The following GTSE1 variants were observed in gnomAD, a reference collection of about 807,000 sequenced individuals.
GTSE1 encodes the protein G2 and S phase-expressed protein 1.
GTSE1 carries 52 observed loss-of-function variants against 60.5 expected under a neutral mutation model. The ratio of observed to expected loss-of-function variants is 0.86; its 90% CI spans 0.69 to 1.08. The LOEUF (loss-of-function observed/expected upper bound fraction) is 1.08. Among genes scored for constraint, GTSE1 ranks in the 50% least tolerant of loss-of-function variants. GTSE1 has a pLI of 0.00. For missense variants in GTSE1, 937 were observed against 961.8 expected, an observed-to-expected ratio of 0.97 and a Z score of 0.34; for synonymous variants, 368 against 386.5, an observed-to-expected ratio of 0.95 and a Z score of 0.56.
In GTSE1 at chr22:46,308,772, C is replaced by T; in HGVS notation, c.591C>T (p.Ala197=). ...CCCTGCCCAGCTCTGGTGCCCAGGC[C>T]CGCCTCACCCGGGCGCCGGGGCCTC... ...SPALPSSGAQ[A]RLTRAPGPPH... The change falls in exon 4 of 12, where the codon GCC becomes GCT. Residue 197 remains alanine, a synonymous_variant. Coordinates refer to ENST00000454366, the MANE Select transcript of GTSE1 (RefSeq NM_016426.7). 1 of 1,613,046 alleles carries T rather than the reference C, an allele frequency of 6.2e-7. No individual in the cohort carries two copies. The highest frequency in any genetic ancestry group is 1.1e-5 in the South Asian group (1 of 91,080).
rs34660725 is a variant in GTSE1 at position 46,308,658 on chromosome 22, G to A, written c.477G>A (p.Thr159=). Reference sequence around the variant, plus strand: ...AAAAGGAAATGAAGAAAAGCCCCACGTCTCTTAAAAGGGAGACATACTACC... The same window carrying A: ...AAAAGGAAATGAAGAAAAGCCCCACATCTCTTAAAAGGGAGACATACTACC... ...EKEKEMKKSP[T]SLKRETYYLS... The change falls in exon 4 of 12, where the codon ACG becomes ACA. Residue 159 remains threonine, a synonymous_variant. Coordinates refer to ENST00000454366, the MANE Select transcript of GTSE1 (RefSeq NM_016426.7). The A allele has an allele frequency of 4.9e-3, 7,853 of 1,613,940 alleles. 329 individuals are homozygous for A. In the African/African-American group the frequency reaches 0.086, roughly 18 times the overall value.
At chr22:46,312,367 C>A in intron 5 of GTSE1, 62 bp downstream of exon 5, 1 of 1,495,278 alleles carries the variant, frequency 6.7e-7, no homozygotes. Context: ...GCTGTGTGTA[C>A]AAGTGCTTTG....
At chr22:46,298,605 G>A (rs2077671462) in intron 2 of GTSE1, among the ~76,000 whole-genome samples, 1 of 152,190 alleles carries the variant, frequency 6.6e-6, no homozygotes, top group Non-Finnish European at 1.5e-5. Flanking sequence ...ACCGCGCCTG[G>A]CCCCAAGCAT....
chr22:46,298,456 C>A (rs1021112918), intron 2 of GTSE1, among the ~76,000 whole-genome samples: 2 of 151,972 alleles, frequency 1.3e-5, no homozygotes, highest in East Asian at 3.9e-4. Flanking sequence ...TACAGGCACC[C>A]GCCACCACAC....
intron 10 of GTSE1, 42 bp downstream of exon 10, chr22:46,328,931 C>G: frequency 6.7e-7 from 1 of 1,489,204 alleles, no homozygotes; most frequent in East Asian, 2.3e-5. Flanking sequence ...AGCTGAGATT[C>G]CTGGAGGCTG....
rs1396008519 is a variant in GTSE1, at chr22:46,314,546, C to T, written c.1051+533C>T. Among the ~76,000 whole-genome samples the T allele has an allele frequency of 6.6e-6, 1 of 151,924 alleles. No individual in the cohort carries two copies. Among genetic ancestry groups the T allele is most frequent in the Non-Finnish European group, 1.5e-5 (1 of 67,982 alleles). On this transcript the variant is annotated intron_variant, in intron 6 of 11. Coordinates refer to ENST00000454366, the MANE Select transcript of GTSE1 (RefSeq NM_016426.7). The surrounding 1 kb of genome is among the most constrained non-coding windows in gnomAD (Gnocchi z 7.1). ...CATTGGCCATGTGGCGTCTCGGGGTCGTTCAGGGCAGCATGGTGTGGATTG... is the reference window on the plus strand; with the variant it reads ...CATTGGCCATGTGGCGTCTCGGGGTTGTTCAGGGCAGCATGGTGTGGATTG...
At position 46,320,471 on chromosome 22, in the gene GTSE1, C is replaced by T. The variant is rs999999449; in HGVS notation, c.1433-2719C>T. On this transcript the variant is annotated intron_variant, in intron 7 of 11. Coordinates refer to ENST00000454366, the MANE Select transcript of GTSE1 (RefSeq NM_016426.7). The surrounding 1 kb of genome is among the most constrained non-coding windows in gnomAD (Gnocchi z 7.1). The stretch of plus-strand genomic sequence containing the variant: ...GTTGGGAACACACAGCTCTGGGAGG[C>T]ACGTGGTGGTGTGCACTTTTTGGCT... Among the ~76,000 whole-genome samples the T allele has an allele frequency of 6.6e-6, 1 of 152,164 alleles. No individual in the cohort carries two copies. The highest frequency in any genetic ancestry group is 1.5e-5 in the Non-Finnish European group (1 of 68,040).
chr22:46,311,006 C>T (rs898575571), intron 4 of GTSE1, among the ~76,000 whole-genome samples: 29 of 151,872 alleles, frequency 1.9e-4, no homozygotes, highest in African/African-American at 7.0e-4. Context: ...GAGTGCTTCC[C>T]TAGGTGGGGC....
rs1020813297 is a variant in GTSE1, at chr22:46,319,467, C to T, written c.1432+3055C>T. Reference sequence around the variant, plus strand: ...GCTCATGTGGCAGTGCAGAGAGGGACTCGAGTGTCCCTGAGGTTCTGGCGG... The same window carrying T: ...GCTCATGTGGCAGTGCAGAGAGGGATTCGAGTGTCCCTGAGGTTCTGGCGG... On this transcript the variant is annotated intron_variant, in intron 7 of 11. Coordinates refer to ENST00000454366, the MANE Select transcript of GTSE1 (RefSeq NM_016426.7). The surrounding 1 kb of genome is among the most constrained non-coding windows in gnomAD (Gnocchi z 5.0). 3.9e-5 allele frequency among the ~76,000 whole-genome samples: 6 copies of T among 152,134 alleles called. No homozygotes were observed. Among genetic ancestry groups the T allele is most frequent in the Non-Finnish European group, 7.4e-5 (5 of 68,022 alleles).
At chr22:46,298,583 C>T (rs1294368610) in intron 2 of GTSE1, among the ~76,000 whole-genome samples, 2 of 152,166 alleles carry the variant, frequency 1.3e-5, no homozygotes, top group Non-Finnish European at 2.9e-5. Context: ...ACTGGGATTA[C>T]AGGTGTGAAC....
Position 46,330,208 on chromosome 22 carries a change from G to A in GTSE1, c.*78G>A, listed in dbSNP as rs977880263. ...CTCAGAAACAAGCTTTAGGCTGGTC[G>A]CAGTGGCTTACACTTGTAACCCTAG... On this transcript the variant is annotated 3_prime_UTR_variant, in exon 12 of 12. Transcript: ENST00000454366. This position sits in a 1 kb window ranked among gnomAD's most constrained non-coding sequence, Gnocchi z 6.0. 2.0e-5 allele frequency: 17 copies of A among 865,184 alleles called. No homozygotes were observed. Among genetic ancestry groups the A allele is most frequent in the Admixed American group, 1.1e-4 (6 of 55,122 alleles). The allele number at this position is 865,184 out of a possible 1,614,324, so 53.6% of individuals were successfully genotyped here.
At chr22:46,323,390 C>A in intron 8 of GTSE1, 128 bp downstream of exon 8, 1 of 747,570 alleles carries the variant, frequency 1.3e-6, no homozygotes, top group Non-Finnish European at 2.4e-6. Context: ...CTCTTGGGTG[C>A]AGGCCGAGCT....
At position 46,329,545 on chromosome 22, in the gene GTSE1, A is replaced by C. The variant is rs1341567767; in HGVS notation, c.2114A>C (p.Lys705Thr). The change falls in exon 11 of 12, where the codon AAA becomes ACA. Residue 705 changes from lysine to threonine, a missense_variant. Coordinates refer to ENST00000454366, the MANE Select transcript of GTSE1 (RefSeq NM_016426.7). This position sits in a 1 kb window ranked among gnomAD's most constrained non-coding sequence, Gnocchi z 6.4. ...NTPDMNKNVA[K>T]PSPVVGQLID... ...CCAGACATGAATAAAAATGTGGCCAAACCTTCACCGGTGGTGGGACAGGTG... is the reference window on the plus strand; with the variant it reads ...CCAGACATGAATAAAAATGTGGCCACACCTTCACCGGTGGTGGGACAGGTG... The C allele has an allele frequency of 2.5e-6, 4 of 1,613,968 alleles. No homozygotes were observed. Among genetic ancestry groups the C allele is most frequent in the Non-Finnish European group, 3.4e-6 (4 of 1,179,982 alleles).
In GTSE1 at chr22:46,314,934, A is replaced by T. The variant is rs149671871; in HGVS notation, c.1051+921A>T. Among the ~76,000 whole-genome samples the T allele has an allele frequency of 2.1e-4, 32 of 152,140 alleles. No homozygotes were observed. The highest frequency in any genetic ancestry group is 4.6e-4 in the Non-Finnish European group (31 of 68,002). ...ATTCTGACTCTGCCATTCTGTGATT[A>T]AGAGAGGTTTGTGTCCTTATCTTTA... On this transcript the variant is annotated intron_variant, in intron 6 of 11. Coordinates refer to ENST00000454366, the MANE Select transcript of GTSE1 (RefSeq NM_016426.7). This position sits in a 1 kb window ranked among gnomAD's most constrained non-coding sequence, Gnocchi z 7.1.
At position 46,314,954 on chromosome 22, in the gene GTSE1, T is replaced by C. The variant is rs1354245487; in HGVS notation, c.1051+941T>C. Reference sequence around the variant, plus strand: ...TGATTAAGAGAGGTTTGTGTCCTTATCTTTATAGACTGAGGTGATGACCTC... The same window carrying C: ...TGATTAAGAGAGGTTTGTGTCCTTACCTTTATAGACTGAGGTGATGACCTC... On this transcript the variant is annotated intron_variant, in intron 6 of 11. Coordinates refer to ENST00000454366, the MANE Select transcript of GTSE1 (RefSeq NM_016426.7). This position sits in a 1 kb window ranked among gnomAD's most constrained non-coding sequence, Gnocchi z 7.1. 2.0e-5 allele frequency among the ~76,000 whole-genome samples: 3 copies of C among 152,092 alleles called. No homozygotes were observed. Among genetic ancestry groups the C allele is most frequent in the Non-Finnish European group, 2.9e-5 (2 of 68,020 alleles).
At position 46,308,762 on chromosome 22, in the gene GTSE1, G is replaced by A. The variant is rs762788802; in HGVS notation, c.581G>A (p.Gly194Asp). 3.7e-6 allele frequency: 6 copies of A among 1,612,988 alleles called. No homozygotes were observed. In the African/African-American group the frequency reaches 6.7e-5, roughly 18 times the overall value. The change falls in exon 4 of 12, where the codon GGT (glycine) becomes GAT (aspartate). Residue 194 changes from glycine to aspartate, a missense_variant. Transcript: ENST00000454366. ...LASSPALPSS[G>D]AQARLTRAPG... ...TCCTCCCCGGCCCTGCCCAGCTCTGGTGCCCAGGCCCGCCTCACCCGGGCG... is the reference window on the plus strand; with the variant it reads ...TCCTCCCCGGCCCTGCCCAGCTCTGATGCCCAGGCCCGCCTCACCCGGGCG...
At position 46,297,286 on chromosome 22, in the gene GTSE1, C is replaced by A; in HGVS notation, c.-21-94C>A. ...CTCTCCCAGACCTGGCCGCGGCCTT[C>A]AGCTCTCTCTGCCTCTGTGAGCCGA... On this transcript the variant is annotated intron_variant, in intron 1 of 11. Coordinates refer to ENST00000454366, the MANE Select transcript of GTSE1 (RefSeq NM_016426.7). This position sits in a 1 kb window ranked among gnomAD's most constrained non-coding sequence, Gnocchi z 4.9. 1 of 797,434 alleles carries A rather than the reference C, an allele frequency of 1.3e-6. No individual in the cohort carries two copies. The highest frequency in any genetic ancestry group is 2.2e-6 in the Non-Finnish European group (1 of 461,678). 49.4% of individuals were successfully genotyped at this position (797,434 alleles called of 1,614,324 possible). A position where few individuals can be genotyped will look rare whatever the true frequency, so the allele number is the denominator to read the frequency against.
In GTSE1 at chr22:46,324,437, A is replaced by C. The variant is rs895601885; in HGVS notation, c.1505+1175A>C. 6.6e-6 allele frequency among the ~76,000 whole-genome samples: 1 copy of C among 151,782 alleles called. No individual in the cohort carries two copies. The highest frequency in any genetic ancestry group is 2.4e-5 in the African/African-American group (1 of 41,304). On this transcript the variant is annotated intron_variant, in intron 8 of 11. Coordinates refer to ENST00000454366, the MANE Select transcript of GTSE1 (RefSeq NM_016426.7). This position sits in a 1 kb window ranked among gnomAD's most constrained non-coding sequence, Gnocchi z 5.2. ...GGCTGGAGGGCAGTGGCACGATCTCAGCTCATGGTAAGCTCCGCCTCCTGG... is the reference window on the plus strand; with the variant it reads ...GGCTGGAGGGCAGTGGCACGATCTCCGCTCATGGTAAGCTCCGCCTCCTGG...
chr22:46,323,205 G>C lies in GTSE1; in HGVS notation c.1448G>C (p.Ser483Thr), dbSNP rs1416060442. 1 of 1,613,616 alleles carries C rather than the reference G, an allele frequency of 6.2e-7. No homozygotes were observed. Among genetic ancestry groups the C allele is most frequent in the East Asian group, 2.2e-5 (1 of 44,900 alleles). The change falls in exon 8 of 12, where the codon AGC becomes ACC. Residue 483 changes from serine (S) to threonine (T), a missense_variant. By Grantham distance (58) the Ser-to-Thr change is moderately conservative (BLOSUM62 1). Transcript: ENST00000454366. ...TTGGACTTAGGTGACTCCCCGGACA[G>C]CTCAACACCAAAGCTTTCGCGGGCA... ...PKFSIGDSPD[S>T]STPKLSRAQR...
Sources: allele counts gnomAD v4.1 joint callset (sites outside exome capture counted in the v4.1 genomes callset), GRCh38; gene constraint gnomAD v4.1.1; non-coding constraint Gnocchi (gnomAD v3.1); transcripts MANE v1.5; gene names NCBI Gene and HGNC (gene_info 2026-07-23, HGNC 2026-07-21).